TSPAN5: variants seen among roughly 807,000 people sequenced by gnomAD.
The protein encoded by TSPAN5 is tetraspanin-5.
In TSPAN5, 10 loss-of-function variants were observed where a neutral mutation model predicts 37.1. The observed-to-expected ratio is 0.27, with a 90% CI of 0.17 to 0.46. TSPAN5 has a LOEUF of 0.46. Ranked by LOEUF, TSPAN5 falls within the 20% of genes least tolerant of loss-of-function variation. The pLI is 1.00. For synonymous variants in TSPAN5, 110 were observed against 118.9 expected (o/e 0.93, Z 0.48); for missense variants, 195 against 326.6 (o/e 0.60, Z 3.11).
rs1560533025 is a variant in TSPAN5, at chr4:98,549,307, TTTTTG to T, written c.82-41584_82-41580del. Among the ~76,000 whole-genome samples the T allele has an allele frequency of 4.4e-3, 649 of 146,420 alleles. 12 individuals carry two copies. The highest frequency in any genetic ancestry group is 0.015 in the African/African-American group (586 of 38,152). ...TTGTTTGTTTGTTTGTTTTTGTTTT[TTTTTG>T]TTTTTTTTGAGGCAGAGTCTCACTC... is the stretch of plus-strand genomic sequence containing the variant. On this transcript the variant is annotated intron_variant, in intron 1 of 7. Transcript: ENST00000305798.
Position 98,489,509 on chromosome 4 carries a change from AT to A in TSPAN5, c.133-2626del, listed in dbSNP as rs541289915. Among the ~76,000 whole-genome samples, 275 of 152,226 alleles carry A rather than the reference AT, an allele frequency of 1.8e-3. 3 individuals are homozygous for A. Among genetic ancestry groups the A allele is most frequent in the African/African-American group, 6.4e-3 (264 of 41,532 alleles). ...TGTATGGGAGCTCTGTTTTCACTCT[AT>A]TAAATCTTGCAAACTGCACACTCTC... On this transcript the variant is annotated intron_variant, in intron 2 of 7. Coordinates refer to ENST00000305798, the MANE Select transcript of TSPAN5 (RefSeq NM_005723.4).
chr4:98,610,758 T>C (rs926229675), intron 1 of TSPAN5, among the ~76,000 whole-genome samples: 1 of 152,142 alleles, frequency 6.6e-6, no homozygotes, highest in Non-Finnish European at 1.5e-5. Flanking sequence ...AGCTAACAAC[T>C]CACTTAGGGC....
intron 3 of TSPAN5, 32 bp downstream of exon 3, chr4:98,486,706 C>A: frequency 6.2e-7 from 1 of 1,613,762 alleles, no homozygotes; most frequent in South Asian, 1.1e-5. Flanking sequence ...AGTTTTGGCT[C>A]TCAATCTGAG....
intron 1 of TSPAN5, among the ~76,000 whole-genome samples, chr4:98,637,253 A>G (rs1333117304): frequency 6.6e-6 from 1 of 152,224 alleles, no homozygotes. Context: ...TCCAGGGAGC[A>G]TCACGCACAT....
At chr4:98,581,946 C>T (rs1055387737) in intron 1 of TSPAN5, among the ~76,000 whole-genome samples, 5 of 152,054 alleles carry the variant, frequency 3.3e-5, no homozygotes, top group Non-Finnish European at 5.9e-5. Context: ...ATGGCAGATG[C>T]CCCCGAATGT....
At chr4:98,642,876 T>C (rs1334009726) in intron 1 of TSPAN5, among the ~76,000 whole-genome samples, 1 of 152,240 alleles carries the variant, frequency 6.6e-6, no homozygotes, top group South Asian at 2.1e-4. Context: ...CTGTACAATC[T>C]GTTAAGCTAA....
intron 1 of TSPAN5, among the ~76,000 whole-genome samples, chr4:98,584,740 C>T (rs554826578): frequency 2.0e-5 from 3 of 152,302 alleles, no homozygotes; most frequent in Admixed American, 6.5e-5. Flanking sequence ...CATTTTATCT[C>T]TTCATGCAAT....
At chr4:98,486,306 G>C (rs989390642) in intron 3 of TSPAN5, among the ~76,000 whole-genome samples, 1 of 152,108 alleles carries the variant, frequency 6.6e-6, no homozygotes, top group Admixed American at 6.5e-5. Flanking sequence ...AAAACCTACT[G>C]CTTAACAGAT....
chr4:98,606,132 AC>A (rs1205273530), intron 1 of TSPAN5, among the ~76,000 whole-genome samples: 1 of 152,192 alleles, frequency 6.6e-6, no homozygotes, highest in Non-Finnish European at 1.5e-5. Context: ...AAATCAGACC[AC>A]CCTAAACAAA....
intron 1 of TSPAN5, among the ~76,000 whole-genome samples, chr4:98,519,258 A>G (rs928952281): frequency 6.6e-6 from 1 of 152,192 alleles, no homozygotes; most frequent in African/African-American, 2.4e-5. Flanking sequence ...TGGGAGGCCA[A>G]TGTGGGAGGA....
At chr4:98,645,791 C>G (rs1461790217) in intron 1 of TSPAN5, among the ~76,000 whole-genome samples, 3 of 152,200 alleles carry the variant, frequency 2.0e-5, no homozygotes, top group African/African-American at 7.2e-5. Context: ...GAATCTAAAC[C>G]AGCAGTTTTA....
At chr4:98,599,823 T>G (rs1755844016) in intron 1 of TSPAN5, among the ~76,000 whole-genome samples, 1 of 152,244 alleles carries the variant, frequency 6.6e-6, no homozygotes. Flanking sequence ...GTTTAACCAT[T>G]CACTAGGTGA....
chr4:98,500,804 A>G (rs1183055406), intron 2 of TSPAN5, among the ~76,000 whole-genome samples: 1 of 152,168 alleles, frequency 6.6e-6, no homozygotes, highest in Non-Finnish European at 1.5e-5. Context: ...TTGTGGTAGG[A>G]ACTGAGAATA....
intron 2 of TSPAN5, among the ~76,000 whole-genome samples, chr4:98,487,168 A>C: frequency 2.0e-5 from 3 of 147,786 alleles, no homozygotes; most frequent in Non-Finnish European, 3.0e-5. Context: ...GATGGAGGGA[A>C]GGAGGGAGGG....
chr4:98,654,354 C>A (rs1411828505), intron 1 of TSPAN5, among the ~76,000 whole-genome samples: 3 of 152,118 alleles, frequency 2.0e-5, no homozygotes, highest in Non-Finnish European at 4.4e-5. Context: ...TATCCAGAAT[C>A]CAAAACAGTT....
rs545777981 is a variant in TSPAN5, at chr4:98,638,111, T to TTA, written c.81+20033_81+20034dup. On this transcript the variant is annotated intron_variant, in intron 1 of 7. Coordinates refer to ENST00000305798, the MANE Select transcript of TSPAN5 (RefSeq NM_005723.4). ...CCCTTGCGCCTTGCCTCTGCCTGGGTTATAATTCGTGCCCAGTGGGGCTGT... is the reference window on the plus strand; with the variant it reads ...CCCTTGCGCCTTGCCTCTGCCTGGGTTATATAATTCGTGCCCAGTGGGGCTGT... 6.6e-5 allele frequency among the ~76,000 whole-genome samples: 10 copies of TTA among 152,214 alleles called. No individual in the cohort carries two copies. The South Asian group carries it at 1.9e-3, about 28-fold the overall frequency.
intron 1 of TSPAN5, among the ~76,000 whole-genome samples, chr4:98,562,696 C>CA (rs869162712): frequency 6.7e-6 from 1 of 148,552 alleles, no homozygotes; most frequent in Admixed American, 6.8e-5. Context: ...CAAAACAAAA[C>CA]AAAAAAACAG....
chr4:98,556,220 A>C (rs1754747406), intron 1 of TSPAN5, among the ~76,000 whole-genome samples: 1 of 152,154 alleles, frequency 6.6e-6, no homozygotes, highest in Non-Finnish European at 1.5e-5. Flanking sequence ...TTCCTGTAGA[A>C]GGATACACAG....
intron 1 of TSPAN5, among the ~76,000 whole-genome samples, chr4:98,528,109 G>A (rs1389410994): frequency 6.6e-6 from 1 of 152,112 alleles, no homozygotes; most frequent in Non-Finnish European, 1.5e-5. Flanking sequence ...ATATGAGCTG[G>A]ATAGAGAAAT....
Sources: allele counts gnomAD v4.1 joint callset (sites outside exome capture counted in the v4.1 genomes callset), GRCh38; gene constraint gnomAD v4.1.1; transcripts MANE v1.5; gene names NCBI Gene and HGNC (gene_info 2026-07-23, HGNC 2026-07-21).